Variants in TMCC1 observed in about 807,000 individuals in gnomAD.
TMCC1 encodes transmembrane and coiled-coil domain family 1.
A neutral mutation model predicts 52.4 loss-of-function variants in TMCC1; 15 were observed. The observed-to-expected ratio is 0.29, with a 90% CI of 0.19 to 0.44. The LOEUF (loss-of-function observed/expected upper bound fraction) is 0.44. Ranked by LOEUF, TMCC1 falls within the 20% of genes least tolerant of loss-of-function variation. The probability of loss-of-function intolerance (pLI) is 1.00; values close to 1 mark genes in which losing one functional copy is unlikely to be tolerated. For missense variants in TMCC1, 503 were observed against 806.0 expected (o/e 0.62, Z 4.55); for synonymous variants, 279 against 301.9 (o/e 0.92, Z 0.79).
chr3:129,871,569 G>A (rs1226585893), intron 2 of TMCC1, among the ~76,000 whole-genome samples: 1 of 151,952 alleles, frequency 6.6e-6, no homozygotes, highest in Non-Finnish European at 1.5e-5. Flanking sequence ...ACACAACTTA[G>A]CAACAGAATT....
chr3:129,748,054 G>A (rs2052140038), intron 4 of TMCC1, among the ~76,000 whole-genome samples: 1 of 152,106 alleles, frequency 6.6e-6, no homozygotes, highest in African/African-American at 2.4e-5. Flanking sequence ...AGGAAAACAT[G>A]GACTTAATCA....
At chr3:129,694,567 T>C (rs1227368333) in intron 4 of TMCC1, among the ~76,000 whole-genome samples, 1 of 152,156 alleles carries the variant, frequency 6.6e-6, no homozygotes, top group Non-Finnish European at 1.5e-5. Context: ...ATAAAACAGG[T>C]TGCAGTAAAG....
chr3:129,729,215 A>T (rs1486092985), intron 4 of TMCC1, among the ~76,000 whole-genome samples: 1 of 151,956 alleles, frequency 6.6e-6, no homozygotes, highest in Non-Finnish European at 1.5e-5. Context: ...TGTTCTCTGC[A>T]TCCTTGTCAG....
At chr3:129,864,874 G>A (rs1173957684) in intron 2 of TMCC1, among the ~76,000 whole-genome samples, 3 of 152,160 alleles carry the variant, frequency 2.0e-5, no homozygotes, top group Non-Finnish European at 4.4e-5. Context: ...AAAACTGAAG[G>A]CAAACAGAGG....
chr3:129,816,229 G>C (rs2058089631), intron 4 of TMCC1, among the ~76,000 whole-genome samples: 1 of 152,160 alleles, frequency 6.6e-6, no homozygotes, highest in Non-Finnish European at 1.5e-5. Flanking sequence ...TTCTACTACT[G>C]GGTATATAGC....
chr3:129,879,899 C>A (rs914711510), intron 2 of TMCC1, among the ~76,000 whole-genome samples: 1 of 152,140 alleles, frequency 6.6e-6, no homozygotes, highest in Non-Finnish European at 1.5e-5. Flanking sequence ...TACAGCTGGG[C>A]ACAGTGGCTC....
intron 4 of TMCC1, among the ~76,000 whole-genome samples, chr3:129,751,497 T>C (rs1226582779): frequency 6.6e-6 from 1 of 151,928 alleles, no homozygotes; most frequent in Non-Finnish European, 1.5e-5. Flanking sequence ...ACCACTGCAC[T>C]CCAGCCTTTC....
chr3:129,708,285 G>A (rs2048393329), intron 4 of TMCC1, among the ~76,000 whole-genome samples: 1 of 152,042 alleles, frequency 6.6e-6, no homozygotes. Context: ...TAATATTAAT[G>A]CTTCCTTCCT....
chr3:129,766,046 T>C (rs566345713), intron 4 of TMCC1, among the ~76,000 whole-genome samples: 1 of 152,304 alleles, frequency 6.6e-6, no homozygotes, highest in Admixed American at 6.5e-5. Flanking sequence ...TGTAGAAAGA[T>C]TAAACTACTA....
rs377717751 is a variant in TMCC1, at chr3:129,884,908, G to C, written c.-434-4349C>G. On this transcript the variant is annotated intron_variant, in intron 1 of 6. Coordinates refer to ENST00000393238, the MANE Select transcript of TMCC1 (RefSeq NM_001017395.5). ...TAATCCTAGCATTTTGGGAGGCTGA[G>C]GCAGGCAGGTTGCTTGAGCGCAGGA... Among the ~76,000 whole-genome samples the C allele has an allele frequency of 4.0e-5, 6 of 150,540 alleles. No homozygotes were observed. In the East Asian group the frequency reaches 5.8e-4, roughly 15 times the overall value.
At chr3:129,807,935 TCC>T (rs2057555026) in intron 4 of TMCC1, among the ~76,000 whole-genome samples, 1 of 151,806 alleles carries the variant, frequency 6.6e-6, no homozygotes, top group Admixed American at 6.6e-5. Flanking sequence ...GATTAAGGAG[TCC>T]CAGAACAAAA....
chr3:129,877,070 ATCT>A (rs1399878488), intron 2 of TMCC1, among the ~76,000 whole-genome samples: 1 of 152,212 alleles, frequency 6.6e-6, no homozygotes, highest in African/African-American at 2.4e-5. Context: ...CATATCTTAA[ATCT>A]TCTCCTGCCA....
chr3:129,679,164 T>C (rs1457735726), intron 4 of TMCC1, among the ~76,000 whole-genome samples: 1 of 152,198 alleles, frequency 6.6e-6, no homozygotes, highest in South Asian at 2.1e-4. Flanking sequence ...CAGGCACCCA[T>C]GTCAGGGCTT....
chr3:129,716,365 C>G (rs1440345451), intron 4 of TMCC1, among the ~76,000 whole-genome samples: 5 of 136,684 alleles, frequency 3.7e-5, no homozygotes, highest in Non-Finnish European at 7.7e-5. Context: ...GTTGGAGTCT[C>G]GCTCTGTCAC....
At chr3:129,713,105 T>TA (rs565638257) in intron 4 of TMCC1, among the ~76,000 whole-genome samples, 2 of 151,428 alleles carry the variant, frequency 1.3e-5, no homozygotes, top group African/African-American at 4.9e-5. Flanking sequence ...CTACAAAAAA[T>TA]AAAAAAAATT....
chr3:129,873,528 A>C (rs1426066446), intron 2 of TMCC1, among the ~76,000 whole-genome samples: 1 of 151,920 alleles, frequency 6.6e-6, no homozygotes, highest in African/African-American at 2.4e-5. Flanking sequence ...AAAATTTTTT[A>C]AACTACCCAG....
intron 2 of TMCC1, among the ~76,000 whole-genome samples, chr3:129,874,687 T>A (rs900403079): frequency 4.6e-5 from 7 of 151,628 alleles, no homozygotes; most frequent in Non-Finnish European, 1.0e-4. Flanking sequence ...CAAGACCCCA[T>A]CTCTACAAAA....
chr3:129,873,245 C>T (rs1222395673), intron 2 of TMCC1, among the ~76,000 whole-genome samples: 1 of 151,796 alleles, frequency 6.6e-6, no homozygotes, highest in Non-Finnish European at 1.5e-5. Context: ...GGAAATGACA[C>T]AGATTGGGGA....
intron 4 of TMCC1, among the ~76,000 whole-genome samples, chr3:129,703,200 T>A (rs766119680): frequency 6.6e-6 from 1 of 152,190 alleles, no homozygotes; most frequent in Non-Finnish European, 1.5e-5. Context: ...CCAAAAATTG[T>A]TTAAGAATAG....
Sources: allele counts gnomAD v4.1 joint callset (sites outside exome capture counted in the v4.1 genomes callset), GRCh38; gene constraint gnomAD v4.1.1; transcripts MANE v1.5; gene names NCBI Gene and HGNC (gene_info 2026-07-23, HGNC 2026-07-21).